Variants in BTF3L4 observed in about 807,000 individuals in gnomAD.
The protein encoded by BTF3L4 is basic transcription factor 3 like 4, also known as transcription factor BTF3 homolog 4.
BTF3L4 carries 6 observed loss-of-function variants against 16.8 expected under a neutral mutation model. The ratio of observed to expected loss-of-function variants is 0.36; its 90% CI spans 0.20 to 0.71. The LOEUF (loss-of-function observed/expected upper bound fraction) is 0.71. BTF3L4 is among the 30% of genes least tolerant of loss of function. The pLI is 0.58. For missense variants in BTF3L4, 92 were observed against 186.9 expected (o/e 0.49, Z 2.96); for synonymous variants, 39 against 59.8 (o/e 0.65, Z 1.60).
At chr1:52,069,479 T>C (rs1686731652) in intron 3 of BTF3L4, among the ~76,000 whole-genome samples, 1 of 152,154 alleles carries the variant, frequency 6.6e-6, no homozygotes, top group Non-Finnish European at 1.5e-5. Context: ...CACTCAGATA[T>C]GAACATATAT....
At chr1:52,073,501 C>CT (rs1333632105) in intron 3 of BTF3L4, among the ~76,000 whole-genome samples, 2 of 140,262 alleles carry the variant, frequency 1.4e-5, no homozygotes, top group East Asian at 2.0e-4. Flanking sequence ...CATACACACA[C>CT]ACACACACAC....
rs1643987405 is a variant in BTF3L4 at position 52,088,028 on chromosome 1, T to C, written c.*1270T>C. 1 of 152,630 alleles carries C rather than the reference T, an allele frequency of 6.6e-6. No homozygotes were observed. The highest frequency in any genetic ancestry group is 6.5e-5 in the Admixed American group (1 of 15,270). 9.5% of individuals were successfully genotyped at this position (152,630 alleles called of 1,614,324 possible). A position where few individuals can be genotyped will look rare whatever the true frequency, so the allele number is the denominator to read the frequency against. On this transcript the variant is annotated 3_prime_UTR_variant, in exon 6 of 6. Coordinates refer to ENST00000313334, the MANE Select transcript of BTF3L4 (RefSeq NM_152265.5). Reference sequence around the variant, plus strand: ...TCCTTTAAGAGGACTTGGAGGTAAGTTGCATTCATTCACTCAAGTTTCCCT... The same window carrying C: ...TCCTTTAAGAGGACTTGGAGGTAAGCTGCATTCATTCACTCAAGTTTCCCT...
At chr1:52,065,933 G>C (rs1686637120) in intron 3 of BTF3L4, among the ~76,000 whole-genome samples, 1 of 152,104 alleles carries the variant, frequency 6.6e-6, no homozygotes, top group Non-Finnish European at 1.5e-5. Flanking sequence ...AGCTACTCGG[G>C]AGGCTAAGGC....
At chr1:52,071,438 A>G (rs1572025676) in intron 3 of BTF3L4, 1 of 152,156 alleles carries the variant, frequency 6.6e-6, no homozygotes, top group East Asian at 1.9e-4. Context: ...TTATTAATCC[A>G]GTAGTCTGTT....
chr1:52,056,466 C>T (rs1477681333), intron 1 of BTF3L4, 87 bp downstream of exon 1: 1 of 152,758 alleles, frequency 6.5e-6, no homozygotes, highest in African/African-American at 2.4e-5. Context: ...CACCCGCCAA[C>T]CGCTCAGGCT....
chr1:52,075,843 T>G lies in BTF3L4; in HGVS notation c.169-7497T>G, dbSNP rs1309376733. ...CACACCCAGCTAATTTTTTGTATTTTTAGTAGAGACGGGGTTTTATCATGT... is the reference window on the plus strand; with the variant it reads ...CACACCCAGCTAATTTTTTGTATTTGTAGTAGAGACGGGGTTTTATCATGT... On this transcript the variant is annotated intron_variant, in intron 3 of 5. Transcript: ENST00000313334. Among the ~76,000 whole-genome samples, 3 of 151,834 alleles carry G rather than the reference T, an allele frequency of 2.0e-5. No individual in the cohort carries two copies. In the East Asian group the frequency reaches 5.8e-4, roughly 30 times the overall value.
At chr1:52,079,987 T>C (rs1304943842) in intron 3 of BTF3L4, among the ~76,000 whole-genome samples, 1 of 150,860 alleles carries the variant, frequency 6.6e-6, no homozygotes, top group Non-Finnish European at 1.5e-5. Context: ...TTCTCCTGCC[T>C]CAGCCTCCCA....
At chr1:52,086,225 C>A in intron 5 of BTF3L4, 54 bp downstream of exon 5, 1 of 1,327,436 alleles carries the variant, frequency 7.5e-7, no homozygotes, top group South Asian at 1.3e-5. Flanking sequence ...TATCTCCTTT[C>A]AGTCATTGCA....
In BTF3L4 at chr1:52,086,977, G is replaced by A. The variant is rs1360427965; in HGVS notation, c.*219G>A. On this transcript the variant is annotated 3_prime_UTR_variant, in exon 6 of 6. Coordinates refer to ENST00000313334, the MANE Select transcript of BTF3L4 (RefSeq NM_152265.5). ...TTTGGTCAAAATATGAAGTATTGGT[G>A]CAGTTTGAGGGTGTTTTGGTTTTTG... 1 of 428,874 alleles carries A rather than the reference G, an allele frequency of 2.3e-6. No individual in the cohort carries two copies. The highest frequency in any genetic ancestry group is 3.7e-5 in the East Asian group (1 of 26,764). 26.6% of individuals were successfully genotyped at this position (428,874 alleles called of 1,614,324 possible).
chr1:52,074,029 G>T (rs1018945963), intron 3 of BTF3L4, among the ~76,000 whole-genome samples: 3 of 152,004 alleles, frequency 2.0e-5, no homozygotes, highest in Non-Finnish European at 4.4e-5. Context: ...CGCTGGGCAT[G>T]ATGGTGCATG....
intron 2 of BTF3L4, among the ~76,000 whole-genome samples, chr1:52,061,635 CTTTTTTT>C (rs67186641): frequency 1.5e-5 from 1 of 65,016 alleles, no homozygotes. Flanking sequence ...TACAGCTATT[CTTTTTTT>C]TTTTTTTTTT....
rs985800324 is a variant in BTF3L4, at chr1:52,089,848, A to G, written c.*3090A>G. 1 of 152,222 alleles carries G rather than the reference A, an allele frequency of 6.6e-6. No individual in the cohort carries two copies. The highest frequency in any genetic ancestry group is 1.5e-5 in the Non-Finnish European group (1 of 68,044). 9.4% of individuals were successfully genotyped at this position (152,222 alleles called of 1,614,324 possible). On this transcript the variant is annotated 3_prime_UTR_variant, in exon 6 of 6. Coordinates refer to ENST00000313334, the MANE Select transcript of BTF3L4 (RefSeq NM_152265.5). Reference sequence around the variant, plus strand: ...CAAGCACCTTAATTTGTTGTTAAGTAGCTAGTGCTTACAGGATTCCATTAA... The same window carrying G: ...CAAGCACCTTAATTTGTTGTTAAGTGGCTAGTGCTTACAGGATTCCATTAA...
In BTF3L4 at chr1:52,087,827, A is replaced by G. The variant is rs1011656240; in HGVS notation, c.*1069A>G. 4.8e-4 allele frequency: 74 copies of G among 152,774 alleles called. No individual in the cohort carries two copies. The highest frequency in any genetic ancestry group is 1.7e-3 in the African/African-American group (70 of 41,580). 9.5% of individuals were successfully genotyped at this position (152,774 alleles called of 1,614,324 possible). A position where few individuals can be genotyped will look rare whatever the true frequency, so the allele number is the denominator to read the frequency against. On this transcript the variant is annotated 3_prime_UTR_variant, in exon 6 of 6. Transcript: ENST00000313334. ...GACTCATCTCCCAGCACAAATGGGC[A>G]TTCTATGAAATGGTACTGGCCCTAG...
chr1:52,058,588 A>G (rs1444408476), intron 1 of BTF3L4, among the ~76,000 whole-genome samples: 3 of 151,906 alleles, frequency 2.0e-5, no homozygotes, highest in Admixed American at 6.6e-5. Context: ...CAAGTAAAAC[A>G]AGACTTTTAA....
chr1:52,059,756 C>T, intron 1 of BTF3L4, 79 bp from the exon 2 acceptor site: 1 of 1,238,574 alleles, frequency 8.1e-7, no homozygotes, highest in Admixed American at 1.8e-5. Flanking sequence ...GCTCAGTGAA[C>T]CAGAAGGTAC....
At chr1:52,060,390 A>G (rs1686479831) in intron 2 of BTF3L4, 1 of 1,062,020 alleles carries the variant, frequency 9.4e-7, no homozygotes, top group Admixed American at 2.5e-5. Context: ...GTTTAGCTGG[A>G]GATGCTTAAG....
At chr1:52,057,188 C>G (rs543954835) in intron 1 of BTF3L4, among the ~76,000 whole-genome samples, 2 of 152,220 alleles carry the variant, frequency 1.3e-5, no homozygotes, top group African/African-American at 4.8e-5. Flanking sequence ...GATTCCAAAG[C>G]CTGTGCTTGT....
intron 2 of BTF3L4, chr1:52,060,617 C>A: frequency 9.0e-7 from 1 of 1,105,208 alleles, no homozygotes; most frequent in Admixed American, 3.7e-5. Flanking sequence ...ACAATCTTTG[C>A]AAAAGTGAAA....
At chr1:52,081,268 G>A (rs1288464641) in intron 3 of BTF3L4, among the ~76,000 whole-genome samples, 4 of 151,590 alleles carry the variant, frequency 2.6e-5, no homozygotes, top group Non-Finnish European at 5.9e-5. Context: ...CCGAGTAGCT[G>A]GGATTACAGG....
Sources: allele counts gnomAD v4.1 joint callset (sites outside exome capture counted in the v4.1 genomes callset), GRCh38; gene constraint gnomAD v4.1.1; transcripts MANE v1.5; gene names NCBI Gene and HGNC (gene_info 2026-07-23, HGNC 2026-07-21).